Variants in SCTR observed in about 807,000 individuals in gnomAD.
SCTR encodes the protein pancreatic secretin receptor.
In SCTR, 56 loss-of-function variants were observed where a neutral mutation model predicts 60.8. That is an observed-to-expected ratio of 0.92 (90% CI 0.74 to 1.15). The LOEUF is 1.15. Among genes scored for constraint, SCTR ranks in the 50% most tolerant of loss-of-function variants. SCTR has a pLI of 0.00. For synonymous variants in SCTR, 202 were observed against 217.0 expected (o/e 0.93, Z 0.61); for missense variants, 562 against 550.4 (o/e 1.02, Z -0.21).
intron 7 of SCTR, among the ~76,000 whole-genome samples, chr2:119,460,221 C>A (rs984511945): frequency 2.0e-5 from 3 of 151,848 alleles, no homozygotes; most frequent in East Asian, 3.9e-4. Flanking sequence ...GCATTCCTGG[C>A]AGGGACACTT....
At position 119,464,115 on chromosome 2, in the gene SCTR, C is replaced by T. The variant is rs373661662; in HGVS notation, c.636+8G>A. The stretch of plus-strand genomic sequence containing the variant: ...CTGGCGACATCCTGGGGCACCCAGA[C>T]ATATTACCCTGTGGGCATCGCAGTA... On this transcript the variant is annotated splice_region_variant and intron_variant, in intron 6 of 12. Transcript: ENST00000019103. The T allele has an allele frequency of 6.2e-7, 1 of 1,614,062 alleles. No individual in the cohort carries two copies. The highest frequency in any genetic ancestry group is 8.5e-7 in the Non-Finnish European group (1 of 1,180,020).
In SCTR at chr2:119,481,302, C is replaced by T. The variant is rs190155235; in HGVS notation, c.194-2384G>A. ...CCCAAAGCATCCATAGTGTCCTTGA[C>T]CCCTTCATCCCCTCTAAGTGAAATC... is the stretch of plus-strand genomic sequence containing the variant. On this transcript the variant is annotated intron_variant, in intron 2 of 12. Coordinates refer to ENST00000019103, the MANE Select transcript of SCTR (RefSeq NM_002980.3). Among the ~76,000 whole-genome samples, 640 of 152,298 alleles carry T rather than the reference C, an allele frequency of 4.2e-3. 1 individual carries two copies. The highest frequency in any genetic ancestry group is 7.0e-3 in the Non-Finnish European group (476 of 68,020).
In SCTR at chr2:119,473,485, C is replaced by T. The variant is rs149693113; in HGVS notation, c.373G>A (p.Val125Ile). ...TFPRPNLACG[V>I]NVNDSSNEKR... Reference sequence around the variant, plus strand: ...TCGTTGGAAGAGTCGTTCACATTAACGCCACAGGCCAGATTAGGCCTGGGG... The same window carrying T: ...TCGTTGGAAGAGTCGTTCACATTAATGCCACAGGCCAGATTAGGCCTGGGG... The change falls in exon 4 of 13, where the codon GTT becomes ATT. Residue 125 changes from valine to isoleucine, a missense_variant. By Grantham distance (29) the Val-to-Ile change is conservative. Transcript: ENST00000019103. The T allele has an allele frequency of 1.1e-4, 178 of 1,602,926 alleles. No homozygotes were observed. Among genetic ancestry groups the T allele is most frequent in the African/African-American group, 1.7e-4 (13 of 74,644 alleles).
Position 119,454,582 on chromosome 2 carries a change from G to A in SCTR, c.791-1235C>T, listed in dbSNP as rs185851945. ...AAGGACGTAAAACATGGCCAGACGCGGTGGTTCATGCCTGTAATCTCAGCA... is the reference window on the plus strand; with the variant it reads ...AAGGACGTAAAACATGGCCAGACGCAGTGGTTCATGCCTGTAATCTCAGCA... On this transcript the variant is annotated intron_variant, in intron 7 of 12. Coordinates refer to ENST00000019103, the MANE Select transcript of SCTR (RefSeq NM_002980.3). Among the ~76,000 whole-genome samples the A allele has an allele frequency of 3.9e-5, 6 of 152,288 alleles. No individual in the cohort carries two copies. In the East Asian group the frequency reaches 1.2e-3, roughly 29 times the overall value.
At chr2:119,464,385 T>A (rs1683745541) in intron 5 of SCTR, 130 bp from the exon 6 acceptor site, 2 of 857,488 alleles carry the variant, frequency 2.3e-6, no homozygotes, top group Non-Finnish European at 1.9e-6. Flanking sequence ...TAACACATTC[T>A]GTGAGCATAA....
In SCTR at chr2:119,505,693, C is replaced by A. The variant is rs530317053; in HGVS notation, c.73-11145G>T. Reference sequence around the variant, plus strand: ...GACACAGGAAGGGGAACATCACACACCGGGGCCTGTTGTGGGGTGGCGGGA... The same window carrying A: ...GACACAGGAAGGGGAACATCACACAACGGGGCCTGTTGTGGGGTGGCGGGA... On this transcript the variant is annotated intron_variant, in intron 1 of 12. Transcript: ENST00000019103. Among the ~76,000 whole-genome samples the A allele has an allele frequency of 9.3e-4, 128 of 137,988 alleles. 1 individual carries two copies. The highest frequency in any genetic ancestry group is 3.2e-3 in the African/African-American group (116 of 36,746). 90.5% of individuals were successfully genotyped at this position (137,988 alleles called of 152,430 possible). A position where few individuals can be genotyped will look rare whatever the true frequency, so the allele number is the denominator to read the frequency against.
intron 2 of SCTR, among the ~76,000 whole-genome samples, chr2:119,484,146 G>A (rs920694386): frequency 6.6e-6 from 1 of 152,106 alleles, no homozygotes; most frequent in Non-Finnish European, 1.5e-5. Context: ...TGAGATAGGG[G>A]ATGGGGGAGC....
chr2:119,493,085 G>A lies in SCTR; in HGVS notation c.193+1343C>T, dbSNP rs922956753. Reference sequence around the variant, plus strand: ...TTGGCCAGGCTGGTCTTGAACTCCCGACCTCAAATAATCTGTGCACCTTGG... The same window carrying A: ...TTGGCCAGGCTGGTCTTGAACTCCCAACCTCAAATAATCTGTGCACCTTGG... On this transcript the variant is annotated intron_variant, in intron 2 of 12. Coordinates refer to ENST00000019103, the MANE Select transcript of SCTR (RefSeq NM_002980.3). Among the ~76,000 whole-genome samples, 10 of 152,160 alleles carry A rather than the reference G, an allele frequency of 6.6e-5. No homozygotes were observed. In the South Asian group the frequency reaches 8.3e-4, roughly 13 times the overall value.
At chr2:119,457,335 A>G (rs1231103996) in intron 7 of SCTR, among the ~76,000 whole-genome samples, 2 of 152,224 alleles carry the variant, frequency 1.3e-5, no homozygotes, top group East Asian at 3.8e-4. Context: ...ATTTACATAG[A>G]TATAATAATG....
chr2:119,456,627 C>T (rs1448147676), intron 7 of SCTR, among the ~76,000 whole-genome samples: 1 of 152,094 alleles, frequency 6.6e-6, no homozygotes, highest in Non-Finnish European at 1.5e-5. Context: ...AGGCAGAAAG[C>T]TCTAGAAAAA....
At chr2:119,477,056 T>C (rs1203255329) in intron 3 of SCTR, 1 of 152,192 alleles carries the variant, frequency 6.6e-6, no homozygotes, top group Admixed American at 6.6e-5. Flanking sequence ...AGGGACAAAA[T>C]TTATTTCCAA....
chr2:119,505,859 A>G (rs922510636), intron 1 of SCTR, among the ~76,000 whole-genome samples: 1 of 152,174 alleles, frequency 6.6e-6, no homozygotes, highest in Non-Finnish European at 1.5e-5. Flanking sequence ...AGTATAATTT[A>G]AAAAAACAGA....
intron 4 of SCTR, among the ~76,000 whole-genome samples, chr2:119,471,835 A>G (rs570564151): frequency 6.6e-6 from 1 of 152,336 alleles, no homozygotes; most frequent in Non-Finnish European, 1.5e-5. Context: ...TCCTACCTCC[A>G]CTACTTTACA....
At chr2:119,501,104 T>C (rs1290253232) in intron 1 of SCTR, among the ~76,000 whole-genome samples, 1 of 152,144 alleles carries the variant, frequency 6.6e-6, no homozygotes, top group Admixed American at 6.5e-5. Flanking sequence ...GTCACTAGCA[T>C]GTAGGAGCTT....
At chr2:119,454,135 C>A (rs754225922) in intron 7 of SCTR, among the ~76,000 whole-genome samples, 1 of 152,110 alleles carries the variant, frequency 6.6e-6, no homozygotes, top group Admixed American at 6.5e-5. Flanking sequence ...GCTGATGTCC[C>A]GAGCAGAGGA....
intron 1 of SCTR, among the ~76,000 whole-genome samples, chr2:119,522,424 T>G (rs1325549010): frequency 6.6e-6 from 1 of 151,464 alleles, no homozygotes; most frequent in Admixed American, 6.6e-5. Flanking sequence ...GTGGGGCGAG[T>G]AGAGCTGCTA....
chr2:119,462,678 A>AG (rs1293716444), intron 6 of SCTR, among the ~76,000 whole-genome samples: 2 of 152,174 alleles, frequency 1.3e-5, no homozygotes, highest in Admixed American at 1.3e-4. Flanking sequence ...CTGCCATGGT[A>AG]GGGCCTTTGT....
At chr2:119,477,752 G>A (rs1455811934) in intron 3 of SCTR, among the ~76,000 whole-genome samples, 1 of 152,200 alleles carries the variant, frequency 6.6e-6, no homozygotes, top group Non-Finnish European at 1.5e-5. Context: ...CACCCAGCCT[G>A]TTTTGGACTT....
rs373944526 is a variant in SCTR at position 119,483,772 on chromosome 2, A to G, written c.194-4854T>C. Among the ~76,000 whole-genome samples the G allele has an allele frequency of 1.5e-4, 23 of 152,342 alleles. No individual in the cohort carries two copies. The East Asian group carries it at 1.9e-3, about 13-fold the overall frequency. On this transcript the variant is annotated intron_variant, in intron 2 of 12. Transcript: ENST00000019103. ...AAAGTCCATTGATTGAAAGGAAAAC[A>G]TATGAAGGAAATCATAGCACAGGAG...
Sources: allele counts gnomAD v4.1 joint callset (sites outside exome capture counted in the v4.1 genomes callset), GRCh38; gene constraint gnomAD v4.1.1; transcripts MANE v1.5; gene names NCBI Gene and HGNC (gene_info 2026-07-23, HGNC 2026-07-21).